Variants in MAP3K1 observed in about 807,000 individuals in gnomAD.
MAP3K1 encodes mitogen-activated protein kinase kinase kinase 1, also known as MAP/ERK kinase kinase 1.
MAP3K1 carries 36 observed loss-of-function variants against 144.2 expected under a neutral mutation model. The observed-to-expected ratio is 0.25, with a 90% CI of 0.19 to 0.33. The LOEUF (loss-of-function observed/expected upper bound fraction) is 0.33, where lower values mean the gene tolerates loss of function less well. Among genes scored for constraint, MAP3K1 ranks in the 10% least tolerant of loss-of-function variants. MAP3K1 has a pLI of 1.00. For synonymous variants in MAP3K1, 718 were observed against 688.7 expected (o/e 1.04, Z -0.67); for missense variants, 1,650 against 1,881.9 (o/e 0.88, Z 2.28).
chr5:56,855,552 A>T (rs944840383), intron 1 of MAP3K1, among the ~76,000 whole-genome samples: 1 of 152,088 alleles, frequency 6.6e-6, no homozygotes, highest in Non-Finnish European at 1.5e-5. Flanking sequence ...TTTCTAGTGA[A>T]TATTTTTTTT....
chr5:56,871,445 G>T (rs1466572826), intron 6 of MAP3K1, among the ~76,000 whole-genome samples: 1 of 152,056 alleles, frequency 6.6e-6, no homozygotes, highest in African/African-American at 2.4e-5. Context: ...ATTCATTTCT[G>T]GGAAAGTTGG....
At chr5:56,871,872 CTT>C in intron 6 of MAP3K1, 36 bp from the exon 7 acceptor site, 1 of 1,604,254 alleles carries the variant, frequency 6.2e-7, no homozygotes, top group Non-Finnish European at 8.5e-7. Flanking sequence ...ACTTTATATT[CTT>C]TTATGCTTAA....
At chr5:56,861,934 C>G (rs927667057) in intron 3 of MAP3K1, 4 of 151,808 alleles carry the variant, frequency 2.6e-5, no homozygotes, top group Admixed American at 2.6e-4. Context: ...TACATAAATT[C>G]GTTAAAAAGT....
At chr5:56,821,132 C>T (rs944992671) in intron 1 of MAP3K1, among the ~76,000 whole-genome samples, 20 of 152,250 alleles carry the variant, frequency 1.3e-4, no homozygotes, top group African/African-American at 4.8e-4. Flanking sequence ...ATAAGATGAT[C>T]AAGAAGATAG....
intron 1 of MAP3K1, among the ~76,000 whole-genome samples, chr5:56,855,713 A>G (rs1415842684): frequency 1.3e-5 from 2 of 152,116 alleles, no homozygotes; most frequent in Non-Finnish European, 2.9e-5. Context: ...TCCTTTTCCT[A>G]TCAGTGTAGA....
intron 19 of MAP3K1, among the ~76,000 whole-genome samples, chr5:56,890,435 C>A (rs143846890): frequency 6.6e-6 from 1 of 152,120 alleles, no homozygotes; most frequent in African/African-American, 2.4e-5. Flanking sequence ...TTTGGAAGCA[C>A]CCCAAAGCTT....
In MAP3K1 at chr5:56,883,785, T is replaced by C. The variant is rs1354833279; in HGVS notation, c.3819+106T>C. On this transcript the variant is annotated intron_variant, in intron 15 of 19. Transcript: ENST00000399503. The stretch of plus-strand genomic sequence containing the variant: ...TCCACGTGTGTGTACTTTAGTTCTT[T>C]AAACTTTGAGAAACTTAGTTTCAAA... The C allele has an allele frequency of 5.9e-6, 7 of 1,184,806 alleles. No homozygotes were observed. In the East Asian group the frequency reaches 1.6e-4, roughly 28 times the overall value. The allele number at this position is 1,184,806 out of a possible 1,614,324, so 73.4% of individuals were successfully genotyped here.
At chr5:56,841,258 CTT>C (rs1746806642) in intron 1 of MAP3K1, among the ~76,000 whole-genome samples, 1 of 151,216 alleles carries the variant, frequency 6.6e-6, no homozygotes, top group Non-Finnish European at 1.5e-5. Context: ...ATCTTAAAAT[CTT>C]TGTGCTCTCT....
chr5:56,819,466 A>G (rs1488051157), intron 1 of MAP3K1, among the ~76,000 whole-genome samples: 1 of 152,104 alleles, frequency 6.6e-6, no homozygotes, highest in African/African-American at 2.4e-5. Flanking sequence ...CAGCTTGCCT[A>G]GGCTGAGTCG....
intron 8 of MAP3K1, 22 bp from the exon 9 acceptor site, chr5:56,872,803 G>A (rs1747895732): frequency 1.9e-6 from 3 of 1,613,804 alleles, no homozygotes; most frequent in African/African-American, 1.3e-5. Context: ...TTTAAAGCAA[G>A]TTTTGTTATT....
chr5:56,881,028 T>A, intron 12 of MAP3K1, 55 bp from the exon 13 acceptor site: 4 of 1,431,750 alleles, frequency 2.8e-6, no homozygotes, highest in African/African-American at 1.4e-5. Context: ...ATGTCTTGTT[T>A]TAGATTTTAA....
chr5:56,844,767 T>A (rs1444271993), intron 1 of MAP3K1, among the ~76,000 whole-genome samples: 5 of 152,246 alleles, frequency 3.3e-5, no homozygotes, highest in African/African-American at 1.2e-4. Context: ...TTTCGTTTTT[T>A]AATTTTTCTT....
intron 1 of MAP3K1, among the ~76,000 whole-genome samples, chr5:56,845,499 A>G (rs903180044): frequency 4.6e-5 from 7 of 152,202 alleles, no homozygotes; most frequent in Non-Finnish European, 8.8e-5. Flanking sequence ...GTAGTAGTGT[A>G]GGAAGTTCCA....
Position 56,864,752 on chromosome 5 carries a change from A to C in MAP3K1, c.853A>C (p.Thr285Pro). The C allele has an allele frequency of 4.3e-6, 7 of 1,614,106 alleles. No homozygotes were observed. The highest frequency in any genetic ancestry group is 5.9e-6 in the Non-Finnish European group (7 of 1,179,994). Residue 285 changes from threonine to proline, a missense_variant, in exon 4 of 20, where the codon ACA becomes CCA. Transcript: ENST00000399503. ...TGTGAAGTTTCAGAGTGGCAGAATC[A>C]CACCACCCCGAAGAGCCCCTTCACC... The part of the protein sequence containing the change: ...SPVPFQSGRI[T>P]PPRRAPSPDG...
At chr5:56,840,057 T>G (rs1043142345) in intron 1 of MAP3K1, among the ~76,000 whole-genome samples, 7 of 152,238 alleles carry the variant, frequency 4.6e-5, no homozygotes, top group Non-Finnish European at 1.5e-5. Flanking sequence ...TGGCCTATGG[T>G]AAAGTTGGTT....
At chr5:56,828,490 C>G (rs888688181) in intron 1 of MAP3K1, among the ~76,000 whole-genome samples, 3 of 152,008 alleles carry the variant, frequency 2.0e-5, no homozygotes, top group African/African-American at 7.2e-5. Context: ...GAATTTTAAA[C>G]CTGGGTAACA....
intron 2 of MAP3K1, among the ~76,000 whole-genome samples, chr5:56,858,678 C>G (rs1401711283): frequency 6.6e-6 from 1 of 152,088 alleles, no homozygotes; most frequent in African/African-American, 2.4e-5. Context: ...TGAAATATCA[C>G]AAAGCAACTT....
chr5:56,843,242 A>C (rs1746871338), intron 1 of MAP3K1, among the ~76,000 whole-genome samples: 1 of 152,112 alleles, frequency 6.6e-6, no homozygotes. Flanking sequence ...CATGTGCTGA[A>C]TTTGGCCAGT....
chr5:56,846,863 AC>A (rs1443914346), intron 1 of MAP3K1, among the ~76,000 whole-genome samples: 1 of 152,212 alleles, frequency 6.6e-6, no homozygotes, highest in East Asian at 1.9e-4. Flanking sequence ...AGAAGAAAGA[AC>A]TTTTCTTTTT....
Sources: allele counts gnomAD v4.1 joint callset (sites outside exome capture counted in the v4.1 genomes callset), GRCh38; gene constraint gnomAD v4.1.1; transcripts MANE v1.5; gene names NCBI Gene and HGNC (gene_info 2026-07-23, HGNC 2026-07-21).